RHOC: variants seen among roughly 807,000 people sequenced by gnomAD.
RHOC encodes rho-related GTP-binding protein RhoC.
Under a neutral mutation model 19.5 loss-of-function variants are expected in RHOC, and 13 were observed. That is an observed-to-expected ratio of 0.67 (90% CI 0.43 to 1.06). RHOC has a LOEUF of 1.06. RHOC is among the 50% of genes least tolerant of loss of function. The pLI is 0.00. For missense variants in RHOC, 173 were observed against 256.9 expected, an observed-to-expected ratio of 0.67 and a Z score of 2.23; for synonymous variants, 106 against 97.3, an observed-to-expected ratio of 1.09 and a Z score of -0.52.
intron 5 of RHOC, 60 bp from the exon 6 acceptor site, chr1:112,701,773 C>A: frequency 6.4e-7 from 1 of 1,563,726 alleles, no homozygotes; most frequent in Non-Finnish European, 8.8e-7. Context: ...CCTCTCCTGC[C>A]TCACCCATAA....
intron 1 of RHOC, among the ~76,000 whole-genome samples, chr1:112,706,517 C>CACACACACACACACACAA (rs1674896405): frequency 5.6e-5 from 4 of 71,300 alleles, no homozygotes; most frequent in Non-Finnish European, 8.7e-5. Context: ...CACACACACA[C>CACACACACACACACACAA]ACACACACAC....
chr1:112,703,408 G>A, intron 3 of RHOC: 1 of 717,688 alleles, frequency 1.4e-6, no homozygotes, highest in Non-Finnish European at 2.5e-6. Context: ...TGCAGGTGGG[G>A]GAGCTTAAAC....
intron 1 of RHOC, 94 bp downstream of exon 1, chr1:112,706,984 G>T (rs1327939613): frequency 6.6e-6 from 1 of 152,044 alleles, no homozygotes; most frequent in Admixed American, 6.5e-5. Context: ...TCCTCGCACG[G>T]GCCCCGATCT....
intron 1 of RHOC, among the ~76,000 whole-genome samples, chr1:112,706,482 A>AACCCCACAC (rs1674878914): frequency 5.3e-5 from 1 of 19,034 alleles, no homozygotes; most frequent in Non-Finnish European, 9.1e-5. Flanking sequence ...ACACACACAC[A>AACCCCACAC]CACACACACA....
At position 112,703,812 on chromosome 1, in the gene RHOC, A is replaced by G. The variant is rs755937044; in HGVS notation, c.-7-6T>C. On this transcript the variant is annotated splice_polypyrimidine_tract_variant and splice_region_variant and intron_variant, in intron 2 of 5. Coordinates refer to ENST00000339083, the MANE Select transcript of RHOC (RefSeq NM_175744.5). The stretch of plus-strand genomic sequence containing the variant: ...GGATTGCAGCCATGGTGGGGCTGCC[A>G]GGAAAGACGTATTGGGGATTTGAGG... 2 of 1,606,798 alleles carry G rather than the reference A, an allele frequency of 1.2e-6. No homozygotes were observed. The highest frequency in any genetic ancestry group is 1.7e-6 in the Non-Finnish European group (2 of 1,177,142).
intron 4 of RHOC, 147 bp from the exon 5 acceptor site, chr1:112,702,840 C>T (rs1674702432): frequency 3.0e-6 from 4 of 1,345,066 alleles, no homozygotes; most frequent in African/African-American, 1.4e-5. Context: ...AGTAGTATGC[C>T]CTCAGAGGGC....
intron 4 of RHOC, 32 bp downstream of exon 4, chr1:112,702,967 G>T: frequency 6.2e-7 from 1 of 1,613,524 alleles, no homozygotes; most frequent in South Asian, 1.1e-5. Context: ...GATTCCAAGG[G>T]GTTCTCAGTC....
At position 112,703,237 on chromosome 1, in the gene RHOC, C is replaced by T. The variant is rs922848381; in HGVS notation, c.157-118G>A. On this transcript the variant is annotated intron_variant, in intron 3 of 5. Transcript: ENST00000339083. ...CTTCTTTATTTGAGCACCTGCTATG[C>T]ACCAGGCATTATATTAATCACTGTC... 1.7e-5 allele frequency: 18 copies of T among 1,090,076 alleles called. No homozygotes were observed. In the South Asian group the frequency reaches 1.9e-4, roughly 11 times the overall value. The allele number at this position is 1,090,076 out of a possible 1,614,324, so 67.5% of individuals were successfully genotyped here.
At position 112,704,863 on chromosome 1, in the gene RHOC, G is replaced by A. The variant is rs116643290; in HGVS notation, c.-8+237C>T. The A allele has an allele frequency of 3.5e-4, 204 of 575,286 alleles. 1 individual carries two copies. The highest frequency in any genetic ancestry group is 3.5e-3 in the African/African-American group (188 of 53,554). The allele number at this position is 575,286 out of a possible 1,614,324, so 35.6% of individuals were successfully genotyped here. A position where few individuals can be genotyped will look rare whatever the true frequency, so the allele number is the denominator to read the frequency against. ...GGAGCCACACATCTACCACAGCACAGTGACTGAGAAGAATCCACCAGGGAA... is the reference window on the plus strand; with the variant it reads ...GGAGCCACACATCTACCACAGCACAATGACTGAGAAGAATCCACCAGGGAA... On this transcript the variant is annotated intron_variant, in intron 2 of 5. Transcript: ENST00000339083.
At position 112,701,291 on chromosome 1, in the gene RHOC, T is replaced by TG. The variant is rs1395660874; in HGVS notation, c.*248dup. On this transcript the variant is annotated 3_prime_UTR_variant, in exon 6 of 6. Coordinates refer to ENST00000339083, the MANE Select transcript of RHOC (RefSeq NM_175744.5). ...AAAGTGCTGGTGTGTGACCATCCTTTGGGGAAGGTCAAAGGGGGCAAGATC... is the reference window on the plus strand; with the variant it reads ...AAAGTGCTGGTGTGTGACCATCCTTTGGGGGAAGGTCAAAGGGGGCAAGATC... 3 of 1,011,004 alleles carry TG rather than the reference T, an allele frequency of 3.0e-6. No individual in the cohort carries two copies. Among genetic ancestry groups the TG allele is most frequent in the African/African-American group, 3.3e-5 (2 of 61,312 alleles). 62.6% of individuals were successfully genotyped at this position (1,011,004 alleles called of 1,614,324 possible).
At chr1:112,702,803 G>T (rs909479204) in intron 4 of RHOC, 110 bp from the exon 5 acceptor site, 4 of 1,471,334 alleles carry the variant, frequency 2.7e-6, no homozygotes, top group Non-Finnish European at 3.7e-6. Context: ...CAGCATGATG[G>T]TCCCTTTCAC....
In RHOC at chr1:112,701,393, C is replaced by T. The variant is rs1272585515; in HGVS notation, c.*147G>A. 32 of 1,552,182 alleles carry T rather than the reference C, an allele frequency of 2.1e-5. No individual in the cohort carries two copies. The highest frequency in any genetic ancestry group is 1.4e-4 in the African/African-American group (10 of 72,338). ...GGAGGGAGGGCCCGTGCCACCACCT[C>T]GGGGCTAGAAAACAATGCAGTCCTG... On this transcript the variant is annotated 3_prime_UTR_variant, in exon 6 of 6. Coordinates refer to ENST00000339083, the MANE Select transcript of RHOC (RefSeq NM_175744.5).
At chr1:112,705,208 G>A in intron 1 of RHOC, 40 bp from the exon 2 acceptor site, 1 of 702,008 alleles carries the variant, frequency 1.4e-6, no homozygotes, top group South Asian at 1.5e-5. Context: ...TGGGCTGGGA[G>A]GAGCCCCAAA....
Position 112,701,563 on chromosome 1 carries a change from G to A in RHOC, c.559C>T (p.Arg187Trp), listed in dbSNP as rs766896156. 26 of 1,613,928 alleles carry A rather than the reference G, an allele frequency of 1.6e-5. No individual in the cohort carries two copies. The highest frequency in any genetic ancestry group is 8.0e-5 in the African/African-American group (6 of 74,892). ...TCTCAGAGAATGGGACAGCCCCTCCGACGCTTGTTCTTGCGGACCTGGAGG... is the reference window on the plus strand; with the variant it reads ...TCTCAGAGAATGGGACAGCCCCTCCAACGCTTGTTCTTGCGGACCTGGAGG... Reference protein sequence around the residue: ...AGLQVRKNKRRRGCPIL With the variant: ...AGLQVRKNKRWRGCPIL Residue 187 changes from arginine to tryptophan, a missense_variant, in exon 6 of 6, where the codon CGG becomes TGG. Coordinates refer to ENST00000339083, the MANE Select transcript of RHOC (RefSeq NM_175744.5).
chr1:112,701,727 A>T lies in RHOC; in HGVS notation c.409-14T>A, dbSNP rs1310727060. 2.5e-6 allele frequency: 4 copies of T among 1,613,460 alleles called. No homozygotes were observed. Among genetic ancestry groups the T allele is most frequent in the Non-Finnish European group, 3.4e-6 (4 of 1,179,708 alleles). On this transcript the variant is annotated splice_polypyrimidine_tract_variant and intron_variant, in intron 5 of 5. Transcript: ENST00000339083. ...CCGAACGGGCTCCTGAGAAGACATA[A>T]GATGAGGGGTCAAAGGAAGCTGTTG...
chr1:112,702,241 C>T (rs938749921), intron 5 of RHOC, among the ~76,000 whole-genome samples: 4 of 152,174 alleles, frequency 2.6e-5, no homozygotes, highest in African/African-American at 7.2e-5. Flanking sequence ...CCCCCAGGGG[C>T]ACTCTGATGG....
chr1:112,705,563 ACTCT>A (rs1307018055), intron 1 of RHOC: 6 of 471,702 alleles, frequency 1.3e-5, no homozygotes, highest in Admixed American at 7.0e-5. Context: ...CACAAAACGG[ACTCT>A]CTCTGATTCC....
intron 1 of RHOC, 111 bp from the exon 2 acceptor site, chr1:112,705,279 A>C: frequency 1.5e-6 from 1 of 675,758 alleles, no homozygotes; most frequent in East Asian, 2.7e-5. Flanking sequence ...TAAGAAAGCG[A>C]CGGTAACCTG....
intron 3 of RHOC, 104 bp from the exon 4 acceptor site, chr1:112,703,223 G>A (rs1462265362): frequency 1.6e-6 from 2 of 1,287,744 alleles, no homozygotes; most frequent in Non-Finnish European, 2.2e-6. Context: ...TTCTTTATTT[G>A]AGCACCTGCT....
Sources: gnomAD v4.1 joint callset for allele counts (sites outside exome capture counted in the v4.1 genomes callset) on GRCh38, gnomAD v4.1.1 for gene constraint, MANE v1.5 for transcripts, NCBI Gene and HGNC (gene_info 2026-07-23, HGNC 2026-07-21) for gene names.